SLC23A2: variants seen among roughly 807,000 people sequenced by gnomAD.
The protein encoded by SLC23A2 is Na(+)/L-ascorbic acid transporter 2.
SLC23A2 carries 36 observed loss-of-function variants against 73.3 expected under a neutral mutation model. That is an observed-to-expected ratio of 0.49 (90% CI 0.38 to 0.65). SLC23A2 has a LOEUF of 0.65. Among genes scored for constraint, SLC23A2 ranks in the 30% least tolerant of loss-of-function variants. SLC23A2 has a pLI of 0.00. For missense variants in SLC23A2, 507 were observed against 841.6 expected, an observed-to-expected ratio of 0.60 and a Z score of 4.92; for synonymous variants, 343 against 327.3, an observed-to-expected ratio of 1.05 and a Z score of -0.52.
intron 1 of SLC23A2, among the ~76,000 whole-genome samples, chr20:4,977,924 G>A (rs1165623892): frequency 2.0e-5 from 3 of 151,958 alleles, no homozygotes; most frequent in African/African-American, 7.2e-5. Flanking sequence ...TGCCTAAGTT[G>A]TACTTATCAT....
intron 3 of SLC23A2, among the ~76,000 whole-genome samples, chr20:4,923,279 A>T (rs73897144): frequency 1.3e-5 from 2 of 148,378 alleles, no homozygotes; most frequent in African/African-American, 2.5e-5. Context: ...GGAGGGAGGG[A>T]GGATGGATAA....
At chr20:4,893,789 A>C (rs1426373625) in intron 6 of SLC23A2, among the ~76,000 whole-genome samples, 1 of 152,124 alleles carries the variant, frequency 6.6e-6, no homozygotes, top group Non-Finnish European at 1.5e-5. Flanking sequence ...GCTCTCTCAG[A>C]GGGGGCATCC....
Position 4,874,636 on chromosome 20 carries a change from C to T in SLC23A2, c.885G>A (p.Pro295=), listed in dbSNP as rs1194624566. Residue 295 remains proline (P), a synonymous_variant, in exon 10 of 17, where the codon CCG becomes CCA. Transcript: ENST00000338244. ...TCCATCCTTTCTTGGATTTATAAATCGGGAGAGGAAATTTAACATTTCTGG... is the reference window on the plus strand; with the variant it reads ...TCCATCCTTTCTTGGATTTATAAATTGGGAGAGGAAATTTAACATTTCTGG... ...QYARNVKFPL[P]IYKSKKGWTA... 1.5e-5 allele frequency: 24 copies of T among 1,612,038 alleles called. No individual in the cohort carries two copies. The highest frequency in any genetic ancestry group is 1.1e-4 in the East Asian group (5 of 44,816).
chr20:4,983,562 T>C (rs566030840), intron 1 of SLC23A2, among the ~76,000 whole-genome samples: 5 of 144,224 alleles, frequency 3.5e-5, no homozygotes, highest in Non-Finnish European at 6.1e-5. Context: ...AGGAGAATGG[T>C]GTGAACCCGG....
chr20:4,972,033 C>T (rs76480995), intron 1 of SLC23A2, among the ~76,000 whole-genome samples: 1,849 of 152,192 alleles, frequency 0.012, 32 homozygotes, highest in East Asian at 0.05. Flanking sequence ...ATTTATTAAA[C>T]GGCTATGTTT....
At chr20:4,950,961 G>A (rs2087192565) in intron 2 of SLC23A2, among the ~76,000 whole-genome samples, 1 of 152,160 alleles carries the variant, frequency 6.6e-6, no homozygotes, top group Non-Finnish European at 1.5e-5. Context: ...AGCAGAAACT[G>A]GGGAGAAGGT....
At chr20:4,930,942 C>T (rs2122939769) in intron 3 of SLC23A2, among the ~76,000 whole-genome samples, 1 of 151,040 alleles carries the variant, frequency 6.6e-6, no homozygotes, top group Non-Finnish European at 1.5e-5. Context: ...TGTACGACTG[C>T]CCTCCAGCAT....
At chr20:5,002,844 T>C (rs1217794874), upstream of SLC23A2, among the ~76,000 whole-genome samples, 1 of 152,132 alleles carries the variant, frequency 6.6e-6, no homozygotes, top group African/African-American at 2.4e-5. Context: ...CCCCCAACCT[T>C]GGCCTCCTAA....
intron 4 of SLC23A2, among the ~76,000 whole-genome samples, chr20:4,907,002 G>C (rs1248248767): frequency 6.6e-6 from 1 of 152,156 alleles, no homozygotes; most frequent in Non-Finnish European, 1.5e-5. Context: ...GTAGCAATGG[G>C]GAGAGGACAG....
At chr20:4,889,655 C>T (rs139681770) in intron 6 of SLC23A2, among the ~76,000 whole-genome samples, 48 of 151,786 alleles carry the variant, frequency 3.2e-4, no homozygotes, top group Middle Eastern at 3.4e-3. Flanking sequence ...CTCCCTTCCT[C>T]GGGCTGCTGC....
intron 7 of SLC23A2, among the ~76,000 whole-genome samples, chr20:4,885,373 T>G (rs1931056516): frequency 6.6e-6 from 1 of 152,190 alleles, no homozygotes; most frequent in South Asian, 2.1e-4. Context: ...CTTAAGGATC[T>G]TTGCAATCAC....
intron 11 of SLC23A2, 67 bp downstream of exon 11, chr20:4,873,869 C>T: frequency 6.7e-7 from 1 of 1,496,040 alleles, no homozygotes; most frequent in South Asian, 1.3e-5. Flanking sequence ...GCTGTTCTGC[C>T]AAATTCCCAC....
Position 4,869,922 on chromosome 20 carries a change from TGGGGGG to T in SLC23A2, c.1228_1233del (p.Pro410_Pro411del). On this transcript the variant is annotated inframe_deletion, in exon 12 of 17. Transcript: ENST00000338244. ...GGAACGTACCTGTTTATTGCGTGGA[TGGGGGG>T]GGGTGGGGCACAGGACAGCCGTGCA... 1 of 1,047,766 alleles carries T rather than the reference TGGGGGG, an allele frequency of 9.5e-7. No individual in the cohort carries two copies. Among genetic ancestry groups the T allele is most frequent in the Non-Finnish European group, 1.3e-6 (1 of 765,730 alleles). 64.9% of individuals were successfully genotyped at this position (1,047,766 alleles called of 1,614,324 possible). A position where few individuals can be genotyped will look rare whatever the true frequency, so the allele number is the denominator to read the frequency against.
At chr20:4,880,800 G>A (rs990747846) in intron 9 of SLC23A2, among the ~76,000 whole-genome samples, 3 of 151,946 alleles carry the variant, frequency 2.0e-5, no homozygotes, top group East Asian at 1.9e-4. Flanking sequence ...CAGACCCACC[G>A]AGGGCAGCAC....
chr20:4,884,205 G>C (rs1466401966), intron 8 of SLC23A2, among the ~76,000 whole-genome samples: 1 of 152,224 alleles, frequency 6.6e-6, no homozygotes, highest in African/African-American at 2.4e-5. Flanking sequence ...ACATCGACAA[G>C]ACAATGTTGT....
At chr20:4,880,743 G>A (rs896815515) in intron 9 of SLC23A2, among the ~76,000 whole-genome samples, 2 of 151,840 alleles carry the variant, frequency 1.3e-5, no homozygotes, top group African/African-American at 2.4e-5. Context: ...GCATGCCTGG[G>A]TGCTCAGAGC....
intron 2 of SLC23A2, among the ~76,000 whole-genome samples, chr20:4,969,235 G>C (rs2087524031): frequency 6.6e-6 from 1 of 151,934 alleles, no homozygotes; most frequent in African/African-American, 2.4e-5. Context: ...TTACAGGTAT[G>C]CGCCACCATG....
At chr20:4,962,686 G>A (rs142397249) in intron 2 of SLC23A2, among the ~76,000 whole-genome samples, 3 of 152,264 alleles carry the variant, frequency 2.0e-5, no homozygotes, top group African/African-American at 7.2e-5. Context: ...ACATTCAAGG[G>A]GCATAAAGAA....
At chr20:4,919,060 C>T in intron 3 of SLC23A2, among the ~76,000 whole-genome samples, 1 of 152,130 alleles carries the variant, frequency 6.6e-6, no homozygotes, top group East Asian at 1.9e-4. Context: ...GAAAACTTTC[C>T]ACCTACTTTC....
Sources: gnomAD v4.1 joint callset for allele counts (sites outside exome capture counted in the v4.1 genomes callset) on GRCh38, gnomAD v4.1.1 for gene constraint, MANE v1.5 for transcripts, NCBI Gene and HGNC (gene_info 2026-07-23, HGNC 2026-07-21) for gene names.